Variants in OPA3 observed in about 807,000 individuals in gnomAD.
The protein encoded by OPA3 is optic atrophy 3 protein.
A neutral mutation model predicts 4.0 loss-of-function variants in OPA3; 6 were observed. The ratio of observed to expected loss-of-function variants is 1.51; its 90% CI spans 0.83 to 2.99. The LOEUF is 2.99. Among genes scored for constraint, OPA3 ranks in the 30% most tolerant of loss-of-function variants. The pLI is 0.00. For missense variants in OPA3, 235 were observed against 256.2 expected (o/e 0.92, Z 0.56); for synonymous variants, 105 against 117.1 (o/e 0.90, Z 0.67).
chr19:45,541,701 A>T (rs1203447678), downstream of OPA3, among the ~76,000 whole-genome samples: 1 of 152,012 alleles, frequency 6.6e-6, no homozygotes, highest in Admixed American at 6.6e-5. Flanking sequence ...AGTAGCTGGG[A>T]CTATAGGCAC....
chr19:45,580,001 C>CT (rs57357578), intron 1 of OPA3, among the ~76,000 whole-genome samples: 35,243 of 114,674 alleles, frequency 0.31, 4,964 homozygotes, highest in African/African-American at 0.53. Flanking sequence ...TTTTTTTTTT[C>CT]TTTTTTTTTT....
intron 1 of OPA3, among the ~76,000 whole-genome samples, chr19:45,554,531 G>A (rs924961713): frequency 2.6e-5 from 4 of 152,178 alleles, no homozygotes; most frequent in African/African-American, 7.2e-5. Flanking sequence ...CTCAAGAGGT[G>A]AGTGGTGCTG....
In OPA3 at chr19:45,549,457, G is replaced by A. The variant is rs1198098274; in HGVS notation, c.*4057C>T. 2 of 985,028 alleles carry A rather than the reference G, an allele frequency of 2.0e-6. No homozygotes were observed. Among genetic ancestry groups the A allele is most frequent in the Non-Finnish European group, 2.4e-6 (2 of 829,986 alleles). 61.0% of individuals were successfully genotyped at this position (985,028 alleles called of 1,614,324 possible). A position where few individuals can be genotyped will look rare whatever the true frequency, so the allele number is the denominator to read the frequency against. On this transcript the variant is annotated 3_prime_UTR_variant, in exon 2 of 2. Coordinates refer to ENST00000263275, the MANE Select transcript of OPA3 (RefSeq NM_025136.4). ...GACAGCGCTGGGGTCAGGAATTGGA[G>A]CTCCTGCCTGTGTTCACACTCCCAC...
In OPA3 at chr19:45,549,327, AGATGGCCCTGCTGCCCAC is replaced by A; in HGVS notation, c.*4169_*4186del. On this transcript the variant is annotated 3_prime_UTR_variant, in exon 2 of 2. Coordinates refer to ENST00000263275, the MANE Select transcript of OPA3 (RefSeq NM_025136.4). ...CCCCTGACGCCGCAGTGGGGGAAGT[AGATGGCCCTGCTGCCCAC>A]GATGACTGGCTGCCTGTCAGGGCAG... is the stretch of plus-strand genomic sequence containing the variant. 1 of 984,482 alleles carries A rather than the reference AGATGGCCCTGCTGCCCAC, an allele frequency of 1.0e-6. No individual in the cohort carries two copies. The highest frequency in any genetic ancestry group is 1.2e-6 in the Non-Finnish European group (1 of 829,826). The allele number at this position is 984,482 out of a possible 1,614,324, so 61.0% of individuals were successfully genotyped here. A position where few individuals can be genotyped will look rare whatever the true frequency, so the allele number is the denominator to read the frequency against.
rs1969322738 is a variant in OPA3, at chr19:45,550,902, C to T, written c.*2612G>A. 1 of 985,702 alleles carries T rather than the reference C, an allele frequency of 1.0e-6. No individual in the cohort carries two copies. Among genetic ancestry groups the T allele is most frequent in the African/African-American group, 1.7e-5 (1 of 57,200 alleles). 61.1% of individuals were successfully genotyped at this position (985,702 alleles called of 1,614,324 possible). On this transcript the variant is annotated 3_prime_UTR_variant, in exon 2 of 2. Transcript: ENST00000263275. ...GAAACCCAGTAGAAAAGGGTGGTTCCTAGACTGTTCCTCTCAGCTAGCAGG... is the reference window on the plus strand; with the variant it reads ...GAAACCCAGTAGAAAAGGGTGGTTCTTAGACTGTTCCTCTCAGCTAGCAGG...
downstream of OPA3, among the ~76,000 whole-genome samples, chr19:45,542,657 G>GC (rs1568397956): frequency 2.3e-4 from 14 of 60,996 alleles, no homozygotes; most frequent in African/African-American, 6.5e-4. Flanking sequence ...GTACTTCACT[G>GC]TTTTTTTGTT....
intron 1 of OPA3, among the ~76,000 whole-genome samples, chr19:45,573,856 G>A (rs1969724937): frequency 6.6e-6 from 1 of 152,174 alleles, no homozygotes; most frequent in African/African-American, 2.4e-5. Context: ...TTGGCACTTG[G>A]GCAGTAATGA....
intron 1 of OPA3, among the ~76,000 whole-genome samples, chr19:45,539,452 A>G (rs1477567768): frequency 6.6e-6 from 1 of 152,142 alleles, no homozygotes; most frequent in Non-Finnish European, 1.5e-5. Flanking sequence ...AAAAGTTTTA[A>G]TATTTTTATT....
At chr19:45,538,654 C>T (rs1000119120) in intron 1 of OPA3, among the ~76,000 whole-genome samples, 4 of 150,126 alleles carry the variant, frequency 2.7e-5, no homozygotes, top group Non-Finnish European at 4.4e-5. Flanking sequence ...ACCTGGGAGG[C>T]GGAGGTTGCA....
rs139757184 is a variant in OPA3, at chr19:45,581,647, A to G, written c.142+2976T>C. Among the ~76,000 whole-genome samples the G allele has an allele frequency of 1.5e-3, 224 of 152,348 alleles. 1 individual carries two copies. Among genetic ancestry groups the G allele is most frequent in the South Asian group, 6.8e-3 (33 of 4,828 alleles). On this transcript the variant is annotated intron_variant, in intron 1 of 1. Transcript: ENST00000263275. ...GGCAGAGGCTCACAAAATACCAGCT[A>G]AAGGAAATAATGAATGGATGGAGGG...
At chr19:45,573,749 G>T (rs375685079) in intron 1 of OPA3, among the ~76,000 whole-genome samples, 1 of 152,116 alleles carries the variant, frequency 6.6e-6, no homozygotes, top group African/African-American at 2.4e-5. Flanking sequence ...AGTGCTATTC[G>T]GTACAGAAAG....
intron 1 of OPA3, among the ~76,000 whole-genome samples, chr19:45,564,565 C>A (rs1969554732): frequency 6.6e-6 from 1 of 152,144 alleles, no homozygotes; most frequent in Non-Finnish European, 1.5e-5. Flanking sequence ...ACTCCAGTAA[C>A]CCTGCCTGGT....
At chr19:45,578,065 T>C (rs2122511090) in intron 1 of OPA3, among the ~76,000 whole-genome samples, 1 of 152,280 alleles carries the variant, frequency 6.6e-6, no homozygotes, top group Middle Eastern at 3.4e-3. Flanking sequence ...TGACTCCATC[T>C]TACTTCCAAC....
intron 1 of OPA3, among the ~76,000 whole-genome samples, chr19:45,558,722 G>GT (rs573234842): frequency 0.081 from 11,907 of 146,278 alleles, 580 homozygotes; most frequent in East Asian, 0.13. Context: ...ATGTTCTGCT[G>GT]TTTTTTTTTT....
intron 1 of OPA3, among the ~76,000 whole-genome samples, chr19:45,555,912 G>A (rs1258378564): frequency 6.6e-6 from 1 of 152,052 alleles, no homozygotes; most frequent in African/African-American, 2.4e-5. Flanking sequence ...GATTGCAATC[G>A]TGAGCCACTA....
chr19:45,530,927 CTTTTTTT>C (rs71173176), intron 1 of OPA3, among the ~76,000 whole-genome samples: 32 of 35,440 alleles, frequency 9.0e-4, no homozygotes, highest in African/African-American at 2.3e-3. Context: ...ATGTCACCTA[CTTTTTTT>C]TTTTTTTTTT....
chr19:45,565,609 G>A (rs577499428), intron 1 of OPA3, among the ~76,000 whole-genome samples: 6 of 152,258 alleles, frequency 3.9e-5, no homozygotes, highest in East Asian at 1.9e-4. Context: ...CAACCCGGGC[G>A]ACAGAGTGAG....
intron 1 of OPA3, among the ~76,000 whole-genome samples, chr19:45,570,291 G>T (rs1458804249): frequency 6.6e-6 from 1 of 152,200 alleles, no homozygotes; most frequent in African/African-American, 2.4e-5. Context: ...GACTAAAAAA[G>T]GAGCAGCGAG....
At position 45,553,192 on chromosome 19, in the gene OPA3, T is replaced by G; in HGVS notation, c.*322A>C. ...CGGGGGTGGGGGTAACAATAACACA[T>G]TGATTCAGCTCAAGACCAGGTTCCA... is the stretch of plus-strand genomic sequence containing the variant. On this transcript the variant is annotated 3_prime_UTR_variant, in exon 2 of 2. Coordinates refer to ENST00000263275, the MANE Select transcript of OPA3 (RefSeq NM_025136.4). 6.1e-6 allele frequency: 8 copies of G among 1,322,028 alleles called. No homozygotes were observed. Among genetic ancestry groups the G allele is most frequent in the African/African-American group, 1.5e-5 (1 of 67,222 alleles). The allele number at this position is 1,322,028 out of a possible 1,614,324, so 81.9% of individuals were successfully genotyped here. A position where few individuals can be genotyped will look rare whatever the true frequency, so the allele number is the denominator to read the frequency against.
Sources: allele counts gnomAD v4.1 joint callset (sites outside exome capture counted in the v4.1 genomes callset), GRCh38; gene constraint gnomAD v4.1.1; transcripts MANE v1.5; gene names NCBI Gene and HGNC (gene_info 2026-07-23, HGNC 2026-07-21).